The following SPDYE10 variants were observed in gnomAD, a reference collection of about 807,000 sequenced individuals.
The protein encoded by SPDYE10 is speedy protein E10.
chr7:73,124,153 G>A, the SPDYE10 span, among the ~76,000 whole-genome samples: 2 of 144,596 alleles, frequency 1.4e-5, no homozygotes, highest in Admixed American at 7.0e-5. Context: ...TTTCTGGGAT[G>A]ACTTGCACTT....
At chr7:73,128,198 G>C in the SPDYE10 span, among the ~76,000 whole-genome samples, 2 of 151,700 alleles carry the variant, frequency 1.3e-5, no homozygotes, top group Non-Finnish European at 1.5e-5. Flanking sequence ...AACCTCAAAA[G>C]TCATTAGTAG....
At chr7:73,126,442 G>A in the SPDYE10 span, among the ~76,000 whole-genome samples, 1 of 118,742 alleles carries the variant, frequency 8.4e-6, no homozygotes, top group African/African-American at 3.8e-5. Context: ...GGGAGGCAGA[G>A]GTTGCAGTGA....
chr7:73,141,907 G>GA, the SPDYE10 span, among the ~76,000 whole-genome samples: 2 of 41,146 alleles, frequency 4.9e-5, no homozygotes, highest in Non-Finnish European at 9.7e-5. Flanking sequence ...AAGAAAGAAA[G>GA]AAAAAAAAAA....
chr7:73,126,464 G>A, the SPDYE10 span, among the ~76,000 whole-genome samples: 1 of 116,092 alleles, frequency 8.6e-6, no homozygotes, highest in African/African-American at 3.9e-5. Flanking sequence ...CCAATATTGT[G>A]CCACTGCACT....
chr7:73,135,515 C>T, the SPDYE10 span, among the ~76,000 whole-genome samples: 1 of 137,876 alleles, frequency 7.3e-6, no homozygotes, highest in South Asian at 2.4e-4. Context: ...AAGGCATTCT[C>T]TTTTCTTTCT....
chr7:73,128,053 G>T, the SPDYE10 span, among the ~76,000 whole-genome samples: 1 of 150,528 alleles, frequency 6.6e-6, no homozygotes, highest in Non-Finnish European at 1.5e-5. Context: ...GAAAAAAACA[G>T]AAACAAAGTA....
the SPDYE10 span, among the ~76,000 whole-genome samples, chr7:73,115,490 A>G: frequency 6.7e-6 from 1 of 148,782 alleles, no homozygotes; most frequent in East Asian, 2.0e-4. Flanking sequence ...CCACAGCTGT[A>G]TCCGTGTGAG....
At chr7:73,124,070 A>C in the SPDYE10 span, among the ~76,000 whole-genome samples, 3 of 149,822 alleles carry the variant, frequency 2.0e-5, no homozygotes, top group Admixed American at 1.3e-4. Flanking sequence ...GACCTGAGCC[A>C]TTGTGCCTGA....
At chr7:73,113,903 G>T in the SPDYE10 span, among the ~76,000 whole-genome samples, 1 of 151,974 alleles carries the variant, frequency 6.6e-6, no homozygotes, top group East Asian at 1.9e-4. Context: ...GCGGGCACCT[G>T]TATTCCCAGC....
chr7:73,143,303 C>T, the SPDYE10 span, among the ~76,000 whole-genome samples: 4 of 152,044 alleles, frequency 2.6e-5, no homozygotes, highest in Non-Finnish European at 5.9e-5. Context: ...GTTCTGCAGG[C>T]TGTACAAGAA....
the SPDYE10 span, among the ~76,000 whole-genome samples, chr7:73,127,977 A>G: frequency 7.6e-6 from 1 of 130,922 alleles, no homozygotes; most frequent in Non-Finnish European, 1.6e-5. Context: ...TTGCAGAGAG[A>G]TTCCAGCACT....
At chr7:73,117,006 G>A in the SPDYE10 span, among the ~76,000 whole-genome samples, 10 of 150,522 alleles carry the variant, frequency 6.6e-5, no homozygotes, top group South Asian at 4.2e-4. Context: ...AGTGATTCTC[G>A]TGCCTCAGCC....
the SPDYE10 span, among the ~76,000 whole-genome samples, chr7:73,123,276 C>A: frequency 6.6e-6 from 1 of 152,232 alleles, no homozygotes; most frequent in Non-Finnish European, 1.5e-5. Context: ...GCCCCTCCCC[C>A]AGGGGCTGCT....
chr7:73,147,803 G>T, the SPDYE10 span, among the ~76,000 whole-genome samples: 1 of 139,270 alleles, frequency 7.2e-6, no homozygotes, highest in Non-Finnish European at 1.5e-5. Context: ...CCTGTTTTTT[G>T]TTTGTTTGTT....
chr7:73,147,733 G>A, the SPDYE10 span, among the ~76,000 whole-genome samples: 1,985 of 151,392 alleles, frequency 0.013, 1 homozygote, highest in East Asian at 0.12. Flanking sequence ...GACATCAGGC[G>A]ATCCACCTGC....
the SPDYE10 span, among the ~76,000 whole-genome samples, chr7:73,154,037 GCA>G: frequency 6.7e-6 from 1 of 149,620 alleles, no homozygotes; most frequent in East Asian, 1.9e-4. Flanking sequence ...AAAGGTGGAA[GCA>G]CCAATCACTT....
chr7:73,137,593 TGAAAGAAAGAAAGAAA>T, the SPDYE10 span, among the ~76,000 whole-genome samples: 1,636 of 70,492 alleles, frequency 0.023, 6 homozygotes, highest in African/African-American at 0.069. Context: ...AAAGAAGAGA[TGAAAGAAAGAAAGAAA>T]GAAAGAAAGA....
chr7:73,135,452 C>G, the SPDYE10 span, among the ~76,000 whole-genome samples: 3 of 145,364 alleles, frequency 2.1e-5, no homozygotes. Flanking sequence ...TCAACAGATA[C>G]TTCCTGAGCA....
chr7:73,134,528 A>C, the SPDYE10 span, among the ~76,000 whole-genome samples: 5 of 6,408 alleles, frequency 7.8e-4, no homozygotes, highest in African/African-American at 2.9e-3. Context: ...AATAAAAAAG[A>C]AAGAAAGAAA....
Sources: allele counts gnomAD v4.1 joint callset (sites outside exome capture counted in the v4.1 genomes callset), GRCh38; gene constraint gnomAD v4.1.1; transcripts MANE v1.5; gene names NCBI Gene and HGNC (gene_info 2026-07-23, HGNC 2026-07-21).